The following KPNA1 variants were observed in gnomAD, a reference collection of about 807,000 sequenced individuals.
The protein encoded by KPNA1 is karyopherin subunit alpha 1.
In KPNA1, 10 loss-of-function variants were observed where a neutral mutation model predicts 70.5. The observed-to-expected ratio is 0.14, with a 90% confidence interval of 0.09 to 0.24. The LOEUF (loss-of-function observed/expected upper bound fraction) is 0.24. Ranked by LOEUF, KPNA1 falls within the 10% of genes least tolerant of loss-of-function variation. KPNA1 has a pLI of 1.00. For synonymous variants in KPNA1, 192 were observed against 221.9 expected (o/e 0.87, Z 1.20); for missense variants, 397 against 637.9 (o/e 0.62, Z 4.07).
At chr3:122,461,147 A>T in intron 5 of KPNA1, 77 bp downstream of exon 5, 1 of 852,388 alleles carries the variant, frequency 1.2e-6, no homozygotes, top group Non-Finnish European at 1.9e-6. Context: ...GATAAAAATT[A>T]GTAACAAATT....
At chr3:122,463,490 C>T (rs2076348459) in intron 4 of KPNA1, among the ~76,000 whole-genome samples, 2 of 150,810 alleles carry the variant, frequency 1.3e-5, no homozygotes, top group South Asian at 2.1e-4. Flanking sequence ...CCAGCCTGCA[C>T]TCCAGACTGG....
chr3:122,491,436 A>T (rs566258167), intron 2 of KPNA1, among the ~76,000 whole-genome samples: 19 of 152,384 alleles, frequency 1.2e-4, no homozygotes, highest in Middle Eastern at 3.4e-3. Context: ...AAGATATGTT[A>T]AATGTTATTA....
chr3:122,437,849 T>A (rs1193411478), intron 10 of KPNA1, among the ~76,000 whole-genome samples: 1 of 152,192 alleles, frequency 6.6e-6, no homozygotes, highest in Non-Finnish European at 1.5e-5. Flanking sequence ...TTGATTAAAA[T>A]AGTATATGGC....
intron 3 of KPNA1, among the ~76,000 whole-genome samples, chr3:122,465,066 C>G (rs1055533633): frequency 1.3e-4 from 20 of 152,190 alleles, no homozygotes; most frequent in African/African-American, 4.3e-4. Context: ...TCTTCCCTCT[C>G]TCATCCTCTT....
chr3:122,485,804 AAAG>A (rs2076623033), intron 2 of KPNA1, among the ~76,000 whole-genome samples: 1 of 152,224 alleles, frequency 6.6e-6, no homozygotes, highest in African/African-American at 2.4e-5. Flanking sequence ...TTCGCACCAC[AAAG>A]AAGTATATAA....
chr3:122,451,337 A>C (rs1462953941), intron 8 of KPNA1, among the ~76,000 whole-genome samples, 197 bp downstream of exon 8: 1 of 152,164 alleles, frequency 6.6e-6, no homozygotes, highest in Non-Finnish European at 1.5e-5. Flanking sequence ...GTGCACCTTC[A>C]AGCTATGCTC....
At chr3:122,477,157 G>C (rs1351006914) in intron 2 of KPNA1, among the ~76,000 whole-genome samples, 5 of 152,068 alleles carry the variant, frequency 3.3e-5, no homozygotes, top group Non-Finnish European at 5.9e-5. Context: ...ATTATGTTAA[G>C]GCAATAAGAC....
intron 10 of KPNA1, 108 bp downstream of exon 10, chr3:122,441,930 T>C (rs1164359202): frequency 1.1e-6 from 1 of 879,756 alleles, no homozygotes; most frequent in Non-Finnish European, 1.9e-6. Flanking sequence ...TGTAACAGAG[T>C]ATCAAGTTTC....
chr3:122,494,263 T>C lies in KPNA1; in HGVS notation c.129+2174A>G, dbSNP rs563209709. Among the ~76,000 whole-genome samples, 19 of 152,338 alleles carry C rather than the reference T, an allele frequency of 1.2e-4. 1 individual carries two copies. Among genetic ancestry groups the C allele is most frequent in the Admixed American group, 1.1e-3 (17 of 15,302 alleles). ...CCCAGGTTTTCTTCTAGGATTTTTA[T>C]AGTTTCAGGTTATACATTTAATTAT... On this transcript the variant is annotated intron_variant, in intron 2 of 13. Coordinates refer to ENST00000344337, the MANE Select transcript of KPNA1 (RefSeq NM_002264.4).
At chr3:122,457,160 C>T (rs2076273513) in intron 5 of KPNA1, among the ~76,000 whole-genome samples, 1 of 152,070 alleles carries the variant, frequency 6.6e-6, no homozygotes, top group African/African-American at 2.4e-5. Flanking sequence ...ACATAACTTC[C>T]CTTTCATCAT....
chr3:122,500,514 C>T (rs1317291757), intron 1 of KPNA1, among the ~76,000 whole-genome samples: 1 of 149,918 alleles, frequency 6.7e-6, no homozygotes, highest in Non-Finnish European at 1.5e-5. Context: ...TTTTTTCCCC[C>T]AGATACTCTC....
At chr3:122,494,677 GGTAATTGGACA>G (rs1392520262) in intron 2 of KPNA1, among the ~76,000 whole-genome samples, 2 of 151,992 alleles carry the variant, frequency 1.3e-5, no homozygotes, top group Non-Finnish European at 2.9e-5. Context: ...GAATGACACT[GGTAATTGGACA>G]GAAATTGCAC....
intron 6 of KPNA1, among the ~76,000 whole-genome samples, chr3:122,452,470 A>G (rs2076212492): frequency 7.0e-6 from 1 of 142,846 alleles, no homozygotes; most frequent in Admixed American, 7.2e-5. Flanking sequence ...GATTGAGCCA[A>G]TGCACTCCAG....
intron 9 of KPNA1, 85 bp from the exon 10 acceptor site, chr3:122,442,201 A>C: frequency 1.9e-6 from 2 of 1,039,390 alleles, no homozygotes; most frequent in Non-Finnish European, 3.0e-6. Context: ...AAAACAAAAA[A>C]ATTGTGATAG....
Position 122,454,151 on chromosome 3 carries a change from A to T in KPNA1, c.433-150T>A, listed in dbSNP as rs566078458. The T allele has an allele frequency of 3.1e-5, 16 of 515,260 alleles. No individual in the cohort carries two copies. The African/African-American group carries it at 3.1e-4, about 10-fold the overall frequency. 31.9% of individuals were successfully genotyped at this position (515,260 alleles called of 1,614,324 possible). On this transcript the variant is annotated intron_variant, in intron 5 of 13. Transcript: ENST00000344337. The stretch of plus-strand genomic sequence containing the variant: ...TTGAGTACTATATTAATTTTAAAAG[A>T]AGAATATCCAGAAGAAATACCTCAA...
chr3:122,475,528 C>T lies in KPNA1; in HGVS notation c.130-8099G>A, dbSNP rs1341809631. 2.0e-5 allele frequency among the ~76,000 whole-genome samples: 3 copies of T among 152,126 alleles called. No homozygotes were observed. In the East Asian group the frequency reaches 5.8e-4, roughly 29 times the overall value. The stretch of plus-strand genomic sequence containing the variant: ...AAAATTCATATGGACCTACAAAAGA[C>T]CCCAAATAGCCAAAGCAATCTGGAG... On this transcript the variant is annotated intron_variant, in intron 2 of 13. Transcript: ENST00000344337.
At position 122,426,750 on chromosome 3, in the gene KPNA1, C is replaced by T. The variant is rs939216335; in HGVS notation, c.*235G>A. On this transcript the variant is annotated 3_prime_UTR_variant, in exon 14 of 14. Transcript: ENST00000344337. ...GATCTCCAAAGCCTAGGGATTTTTCCGTAAAAGAGAGTGGGCCGTTCTGGT... is the reference window on the plus strand; with the variant it reads ...GATCTCCAAAGCCTAGGGATTTTTCTGTAAAAGAGAGTGGGCCGTTCTGGT... The T allele has an allele frequency of 3.2e-5, 13 of 402,838 alleles. No individual in the cohort carries two copies. The highest frequency in any genetic ancestry group is 4.1e-5 in the Admixed American group (1 of 24,544). 25.0% of individuals were successfully genotyped at this position (402,838 alleles called of 1,614,324 possible).
At chr3:122,491,850 ATTTTTTTT>A (rs67916227) in intron 2 of KPNA1, among the ~76,000 whole-genome samples, 4 of 64,896 alleles carry the variant, frequency 6.2e-5, no homozygotes, top group Admixed American at 2.7e-4. Flanking sequence ...TGACCATCAC[ATTTTTTTT>A]TTTTTTTTTT....
intron 2 of KPNA1, among the ~76,000 whole-genome samples, chr3:122,468,356 C>T (rs2076404638): frequency 6.6e-6 from 1 of 151,998 alleles, no homozygotes; most frequent in African/African-American, 2.4e-5. Context: ...AAAAGAACAC[C>T]CAAGATCTAC....
Sources: allele counts gnomAD v4.1 joint callset (sites outside exome capture counted in the v4.1 genomes callset), GRCh38; gene constraint gnomAD v4.1.1; transcripts MANE v1.5; gene names NCBI Gene and HGNC (gene_info 2026-07-23, HGNC 2026-07-21).